The following CPVL variants were observed in gnomAD, a reference collection of about 807,000 sequenced individuals.
The protein encoded by CPVL is probable serine carboxypeptidase CPVL.
In CPVL, 51 loss-of-function variants were observed where a neutral mutation model predicts 63.7. The ratio of observed to expected loss-of-function variants is 0.80; its 90% CI spans 0.64 to 1.01. The LOEUF (loss-of-function observed/expected upper bound fraction) is 1.01. Among genes scored for constraint, CPVL ranks in the 50% least tolerant of loss-of-function variants. The pLI is 0.00. For synonymous variants in CPVL, 195 were observed against 206.0 expected, an observed-to-expected ratio of 0.95 and a Z score of 0.46; for missense variants, 530 against 573.1, an observed-to-expected ratio of 0.92 and a Z score of 0.77.
intron 11 of CPVL, among the ~76,000 whole-genome samples, chr7:29,049,673 G>A (rs1789958573): frequency 6.6e-6 from 1 of 152,088 alleles, no homozygotes; most frequent in Non-Finnish European, 1.5e-5. Context: ...TAGGAAACCA[G>A]CATCACCCTA....
intron 12 of CPVL, among the ~76,000 whole-genome samples, chr7:29,017,528 G>A (rs1460973291): frequency 6.6e-6 from 1 of 152,184 alleles, no homozygotes; most frequent in Non-Finnish European, 1.5e-5. Flanking sequence ...AGCTACTTGG[G>A]AGGCTGAGAC....
intron 2 of CPVL, among the ~76,000 whole-genome samples, chr7:29,185,944 C>T (rs1186853098): frequency 1.3e-5 from 2 of 152,160 alleles, no homozygotes; most frequent in Non-Finnish European, 2.9e-5. Context: ...GAAACTCGCC[C>T]ATGTGAAAAT....
chr7:29,007,351 A>C (rs559532307), intron 12 of CPVL, among the ~76,000 whole-genome samples: 7 of 152,332 alleles, frequency 4.6e-5, no homozygotes, highest in African/African-American at 1.7e-4. Flanking sequence ...TGAACTAAGA[A>C]GACTTTTGGC....
At chr7:29,053,889 CAAA>C (rs1036543437) in intron 11 of CPVL, among the ~76,000 whole-genome samples, 2 of 60,672 alleles carry the variant, frequency 3.3e-5, no homozygotes, top group Non-Finnish European at 4.5e-5. Context: ...TCTGTTTGTA[CAAA>C]AAAAAAAAAA....
At chr7:29,066,232 G>T in intron 9 of CPVL, 111 bp from the exon 10 acceptor site, 1 of 644,348 alleles carries the variant, frequency 1.6e-6, no homozygotes, top group Non-Finnish European at 2.7e-6. Flanking sequence ...TTCCTTTATT[G>T]TTTCATCCAG....
intron 11 of CPVL, among the ~76,000 whole-genome samples, chr7:29,034,966 C>G (rs900779852): frequency 6.6e-6 from 1 of 151,340 alleles, no homozygotes; most frequent in East Asian, 1.9e-4. Context: ...CATACCAGCT[C>G]TCATTTTTTT....
At chr7:29,184,077 T>C (rs1187907438) in intron 4 of CPVL, among the ~76,000 whole-genome samples, 1 of 151,828 alleles carries the variant, frequency 6.6e-6, no homozygotes, top group Admixed American at 6.6e-5. Context: ...GATTTTGATA[T>C]CTGAGTGGGG....
At chr7:29,109,303 TA>T (rs1788024397) in intron 3 of CPVL, among the ~76,000 whole-genome samples, 1 of 152,186 alleles carries the variant, frequency 6.6e-6, no homozygotes, top group Admixed American at 6.5e-5. Flanking sequence ...AAAACAAAAC[TA>T]ATTTAAGAAA....
chr7:29,160,126 A>G (rs1794976929), intron 5 of CPVL, among the ~76,000 whole-genome samples: 1 of 152,108 alleles, frequency 6.6e-6, no homozygotes, highest in South Asian at 2.1e-4. Context: ...TAAGATCAAC[A>G]TGGTTTCCTG....
At chr7:29,103,181 G>GGGGGC (rs1491236175) in intron 3 of CPVL, among the ~76,000 whole-genome samples, 1 of 8,188 alleles carries the variant, frequency 1.2e-4, no homozygotes, top group Non-Finnish European at 2.5e-4. Flanking sequence ...TTAATATACT[G>GGGGGC]GGGGGGGGGG....
At chr7:29,095,200 C>T (rs940951823) in intron 4 of CPVL, 58 bp from the exon 5 acceptor site, 4 of 1,451,260 alleles carry the variant, frequency 2.8e-6, no homozygotes, top group African/African-American at 2.8e-5. Flanking sequence ...CCACCGAGGC[C>T]TCATGGTGGT....
chr7:29,040,266 C>A (rs935226134), intron 11 of CPVL, among the ~76,000 whole-genome samples: 2 of 152,162 alleles, frequency 1.3e-5, no homozygotes, highest in African/African-American at 4.8e-5. Context: ...TCCCCCTAAG[C>A]AGAAAAGAAT....
intron 12 of CPVL, among the ~76,000 whole-genome samples, chr7:29,023,589 T>C (rs896409498): frequency 7.2e-5 from 11 of 152,142 alleles, no homozygotes; most frequent in African/African-American, 2.7e-4. Flanking sequence ...CCAGTTTCCA[T>C]GTATGCCACC....
intron 5 of CPVL, among the ~76,000 whole-genome samples, chr7:29,179,808 G>C (rs933395380): frequency 6.6e-6 from 1 of 152,086 alleles, no homozygotes; most frequent in African/African-American, 2.4e-5. Flanking sequence ...AGGTTCATTT[G>C]TTTTCTTATG....
At chr7:29,046,756 G>A (rs1789662147) in intron 11 of CPVL, among the ~76,000 whole-genome samples, 1 of 152,062 alleles carries the variant, frequency 6.6e-6, no homozygotes, top group African/African-American at 2.4e-5. Context: ...GGGACCAGGG[G>A]ACCTCTCCAA....
intron 12 of CPVL, among the ~76,000 whole-genome samples, chr7:29,002,980 T>C (rs1437906523): frequency 8.7e-6 from 1 of 115,094 alleles, no homozygotes; most frequent in African/African-American, 3.4e-5. Context: ...AAGAAACAAA[T>C]AGTAACATTC....
intron 3 of CPVL, among the ~76,000 whole-genome samples, chr7:29,111,155 G>C (rs1233822525): frequency 2.0e-5 from 3 of 152,214 alleles, no homozygotes; most frequent in Non-Finnish European, 2.9e-5. Context: ...AGCAGCAAGA[G>C]AAAACTAATA....
chr7:29,060,591 T>C (rs540965487), intron 11 of CPVL, among the ~76,000 whole-genome samples: 10 of 152,342 alleles, frequency 6.6e-5, no homozygotes, highest in Admixed American at 4.6e-4. Context: ...CTTTTGAGTA[T>C]GCATCTCCTG....
At chr7:29,145,737 G>C (rs887320342) in intron 1 of CPVL, 8 of 152,160 alleles carry the variant, frequency 5.3e-5, no homozygotes, top group African/African-American at 1.7e-4. Context: ...CAGATGGAAA[G>C]ACTGAGGTTT....
Sources: allele counts gnomAD v4.1 joint callset (sites outside exome capture counted in the v4.1 genomes callset), GRCh38; gene constraint gnomAD v4.1.1; transcripts MANE v1.5; gene names NCBI Gene and HGNC (gene_info 2026-07-23, HGNC 2026-07-21).